Variants in PDE4D observed in about 807,000 individuals in gnomAD.
PDE4D encodes 3',5'-cyclic-AMP phosphodiesterase 4D.
PDE4D carries 24 observed loss-of-function variants against 87.4 expected under a neutral mutation model. The observed-to-expected ratio is 0.27, with a 90% CI of 0.20 to 0.39. The LOEUF (loss-of-function observed/expected upper bound fraction) is 0.39. Among genes scored for constraint, PDE4D ranks in the 10% least tolerant of loss-of-function variants. PDE4D has a pLI of 1.00. For missense variants in PDE4D, 714 were observed against 1,041.0 expected (o/e 0.69, Z 4.32); for synonymous variants, 384 against 383.2 (o/e 1.00, Z -0.02).
chr5:59,983,599 A>T (rs1762132164), intron 3 of PDE4D, among the ~76,000 whole-genome samples: 1 of 152,222 alleles, frequency 6.6e-6, no homozygotes, highest in African/African-American at 2.4e-5. Context: ...TAAACACATC[A>T]AAAGGTAAGC....
intron 2 of PDE4D, among the ~76,000 whole-genome samples, chr5:60,013,929 T>TA (rs1765262972): frequency 2.0e-5 from 3 of 151,162 alleles, no homozygotes; most frequent in African/African-American, 7.3e-5. Context: ...CCATCTCTGC[T>TA]AAAAAATACA....
chr5:59,108,645 G>A (rs1161333038), intron 5 of PDE4D, among the ~76,000 whole-genome samples: 1 of 152,148 alleles, frequency 6.6e-6, no homozygotes, highest in Non-Finnish European at 1.5e-5. Context: ...CGTAGTCCCA[G>A]CATTTTGAGA....
intron 1 of PDE4D, among the ~76,000 whole-genome samples, chr5:60,379,117 G>C (rs910481244): frequency 5.3e-5 from 8 of 151,536 alleles, no homozygotes; most frequent in African/African-American, 1.7e-4. Context: ...CTGCTAATAG[G>C]CAATGCTCCC....
intron 1 of PDE4D, among the ~76,000 whole-genome samples, chr5:59,846,713 G>T (rs1743910232): frequency 6.6e-6 from 1 of 151,888 alleles, no homozygotes; most frequent in Admixed American, 6.6e-5. Context: ...AGAGCTCCTG[G>T]GCCTGCAGCG....
At chr5:59,377,452 C>A (rs1784932310) in intron 1 of PDE4D, among the ~76,000 whole-genome samples, 1 of 151,134 alleles carries the variant, frequency 6.6e-6, no homozygotes, top group South Asian at 2.1e-4. Context: ...GACAAAGACA[C>A]CAAAACCAAT....
chr5:59,346,891 C>T (rs1172396622), intron 1 of PDE4D, among the ~76,000 whole-genome samples: 2 of 152,104 alleles, frequency 1.3e-5, no homozygotes, highest in Non-Finnish European at 2.9e-5. Context: ...ATTATTTGAG[C>T]GATGAAATGT....
intron 2 of PDE4D, among the ~76,000 whole-genome samples, chr5:60,099,134 C>T (rs1464760522): frequency 6.6e-6 from 1 of 151,920 alleles, no homozygotes; most frequent in Non-Finnish European, 1.5e-5. Flanking sequence ...TCCACTCCCT[C>T]CTGCCCAGCA....
intron 1 of PDE4D, among the ~76,000 whole-genome samples, chr5:60,433,403 T>C (rs1416149061): frequency 4.6e-5 from 7 of 152,196 alleles, no homozygotes; most frequent in Non-Finnish European, 5.9e-5. Flanking sequence ...ATGGCTATTA[T>C]TAAGAAGTCA....
chr5:59,386,536 TGGGC>T (rs200232896), intron 1 of PDE4D, among the ~76,000 whole-genome samples: 37,466 of 151,672 alleles, frequency 0.25, 4,946 homozygotes, highest in East Asian at 0.39. Context: ...GACTTGGGCC[TGGGC>T]ATGGTGGCTC....
intron 1 of PDE4D, among the ~76,000 whole-genome samples, chr5:60,440,359 C>T (rs138532990): frequency 6.6e-6 from 1 of 152,182 alleles, no homozygotes; most frequent in African/African-American, 2.4e-5. Flanking sequence ...TAAACACAAA[C>T]CCTGTTTTCA....
At chr5:60,235,194 T>G (rs1256775822) in intron 1 of PDE4D, among the ~76,000 whole-genome samples, 1 of 151,884 alleles carries the variant, frequency 6.6e-6, no homozygotes, top group Non-Finnish European at 1.5e-5. Context: ...TAAACTCCTA[T>G]TTGGAATTCT....
At chr5:59,496,949 T>C (rs1288781694) in intron 1 of PDE4D, among the ~76,000 whole-genome samples, 4 of 152,176 alleles carry the variant, frequency 2.6e-5, no homozygotes, top group Admixed American at 6.5e-5. Flanking sequence ...CCCTACCTTC[T>C]GGCGCTCACT....
chr5:59,420,707 CAA>C, intron 1 of PDE4D, among the ~76,000 whole-genome samples: 1 of 124,378 alleles, frequency 8.0e-6, no homozygotes, highest in East Asian at 2.3e-4. Flanking sequence ...AAAAAAAAAA[CAA>C]GAAAAGAAAA....
intron 1 of PDE4D, among the ~76,000 whole-genome samples, chr5:59,882,578 T>C (rs1490283397): frequency 6.6e-6 from 1 of 152,162 alleles, no homozygotes; most frequent in East Asian, 1.9e-4. Flanking sequence ...TCATTTTTGG[T>C]AAGTAACTTC....
chr5:60,254,316 C>A (rs1265839889), intron 1 of PDE4D, among the ~76,000 whole-genome samples: 2 of 151,928 alleles, frequency 1.3e-5, no homozygotes, highest in African/African-American at 4.8e-5. Flanking sequence ...CATGCTTATG[C>A]CAGCAACCCT....
At chr5:59,231,263 G>C (rs1755122783) in intron 1 of PDE4D, among the ~76,000 whole-genome samples, 1 of 152,204 alleles carries the variant, frequency 6.6e-6, no homozygotes, top group Non-Finnish European at 1.5e-5. Context: ...TCAGGACTGT[G>C]AGTATAGGAA....
chr5:59,811,952 G>A (rs1029612429), intron 1 of PDE4D, among the ~76,000 whole-genome samples: 1 of 152,194 alleles, frequency 6.6e-6, no homozygotes, highest in East Asian at 1.9e-4. Context: ...AAGCCCAGAA[G>A]TACATTACTT....
At chr5:59,435,397 G>C (rs955145770) in intron 1 of PDE4D, among the ~76,000 whole-genome samples, 3 of 152,200 alleles carry the variant, frequency 2.0e-5, no homozygotes, top group African/African-American at 7.2e-5. Context: ...ACACTTGGTA[G>C]TGTCTTTCCT....
upstream of PDE4D, among the ~76,000 whole-genome samples, chr5:60,492,459 T>C (rs1749583926): frequency 6.6e-6 from 1 of 152,014 alleles, no homozygotes; most frequent in Admixed American, 6.6e-5. Flanking sequence ...TGAAAAAACA[T>C]AAATAAATAG....
Sources: allele counts gnomAD v4.1 joint callset (sites outside exome capture counted in the v4.1 genomes callset), GRCh38; gene constraint gnomAD v4.1.1; transcripts MANE v1.5; gene names NCBI Gene and HGNC (gene_info 2026-07-23, HGNC 2026-07-21).